Variants in FSIP2 observed in about 807,000 individuals in gnomAD.
The protein encoded by FSIP2 is fibrous sheath interacting protein 2.
FSIP2 carries 367 observed loss-of-function variants against 510.5 expected under a neutral mutation model. The ratio of observed to expected loss-of-function variants is 0.72; its 90% CI spans 0.66 to 0.78. The LOEUF is 0.78. Among genes scored for constraint, FSIP2 ranks in the 30% least tolerant of loss-of-function variants. FSIP2 has a pLI of 0.00. For synonymous variants in FSIP2, 2,601 were observed against 2,732.2 expected (o/e 0.95, Z 1.50); for missense variants, 7,594 against 7,901.7 (o/e 0.96, Z 1.48).
At chr2:185,745,786 A>T (rs553685631) in intron 5 of FSIP2, among the ~76,000 whole-genome samples, 1 of 152,276 alleles carries the variant, frequency 6.6e-6, no homozygotes, top group Admixed American at 6.5e-5. Context: ...TGGTTATTGA[A>T]AGAAAAATTA....
chr2:185,787,196 T>G (rs1480555002), intron 15 of FSIP2, among the ~76,000 whole-genome samples: 1 of 150,218 alleles, frequency 6.7e-6, no homozygotes, highest in African/African-American at 2.4e-5. Context: ...GTATTTGATT[T>G]AGACTGTATT....
intron 7 of FSIP2, among the ~76,000 whole-genome samples, chr2:185,753,034 C>T (rs1023683594): frequency 2.0e-5 from 3 of 151,198 alleles, no homozygotes; most frequent in Non-Finnish European, 4.4e-5. Context: ...TTGTTTCCTA[C>T]TACTGAGTTA....
intron 7 of FSIP2, 27 bp from the exon 8 acceptor site, chr2:185,753,695 A>G (rs1692189980): frequency 2.1e-6 from 2 of 955,050 alleles, no homozygotes; most frequent in South Asian, 1.7e-5. Context: ...GTTAATATTA[A>G]CCAATATATT....
Position 185,791,964 on chromosome 2 carries a change from G to A in FSIP2, c.4828G>A (p.Gly1610Arg). 2.0e-6 allele frequency: 3 copies of A among 1,533,638 alleles called. No individual in the cohort carries two copies. The highest frequency in any genetic ancestry group is 2.6e-6 in the Non-Finnish European group (3 of 1,145,244). Residue 1610 changes from glycine (G) to arginine (R), a missense_variant, in exon 16 of 23, where the codon GGA becomes AGA. Coordinates refer to ENST00000424728, the MANE Select transcript of FSIP2 (RefSeq NM_173651.4). The stretch of plus-strand genomic sequence containing the variant: ...AGAAATTTTGGGTGCTATTAATGAT[G>A]GAAATAAGAAAAGCAATAAGATAGG... ...HLEILGAIND[G>R]NKKSNKIGWE...
Position 185,793,700 on chromosome 2 carries a change from A to T in FSIP2, c.6564A>T (p.Thr2188=). 2 of 1,534,766 alleles carry T rather than the reference A, an allele frequency of 1.3e-6. No individual in the cohort carries two copies. The highest frequency in any genetic ancestry group is 8.7e-7 in the Non-Finnish European group (1 of 1,145,854). ...KNPTSARLPL[T]FCDTFPKIDC... is the part of the protein sequence containing the mutation. Reference sequence around the variant, plus strand: ...CTACTTCTGCAAGATTGCCCCTGACATTTTGTGATACGTTTCCAAAAATAG... The same window carrying T: ...CTACTTCTGCAAGATTGCCCCTGACTTTTTGTGATACGTTTCCAAAAATAG... The change falls in exon 16 of 23, where the codon ACA becomes ACT. Residue 2188 remains threonine (T), a synonymous_variant. Coordinates refer to ENST00000424728, the MANE Select transcript of FSIP2 (RefSeq NM_173651.4).
rs760808231 is a variant in FSIP2, at chr2:185,790,837, C to A, written c.3701C>A (p.Ser1234Tyr). 3.3e-6 allele frequency: 5 copies of A among 1,532,694 alleles called. No individual in the cohort carries two copies. The African/African-American group carries it at 6.9e-5, about 21-fold the overall frequency. The allele number at this position is 1,532,694 out of a possible 1,614,324, so 94.9% of individuals were successfully genotyped here. The change falls in exon 16 of 23, where the codon TCT becomes TAT. Residue 1234 changes from serine to tyrosine, a missense_variant. Physicochemically the swap from Ser to Tyr is moderately radical, Grantham distance 144. Coordinates refer to ENST00000424728, the MANE Select transcript of FSIP2 (RefSeq NM_173651.4). ...AGTGAAAAGAAAATGAAATATTTAT[C>A]TTTATTTGACGTTGATCCTGAAAAG... ...FDSEKKMKYLSLFDVDPEKPP... is the reference protein window; with the variant it reads ...FDSEKKMKYLYLFDVDPEKPP...
In FSIP2 at chr2:185,756,269, GA is replaced by G; in HGVS notation, c.1072del (p.Thr358HisfsTer38). 1 of 1,204,088 alleles carries G rather than the reference GA, an allele frequency of 8.3e-7. No individual in the cohort carries two copies. The highest frequency in any genetic ancestry group is 1.1e-6 in the Non-Finnish European group (1 of 877,580). 74.6% of individuals were successfully genotyped at this position (1,204,088 alleles called of 1,614,324 possible). On this transcript the variant is annotated frameshift_variant, in exon 9 of 23. Coordinates refer to ENST00000424728, the MANE Select transcript of FSIP2 (RefSeq NM_173651.4). LOFTEE classifies it high-confidence loss of function. ...TGCTGGAGACCAGAATACATATAAA[GA>G]AACACATGGTAATTGAATATTGTGA... Reference protein sequence around the residue: ...YPAGDQNTYKETHGHTANAAH... With the variant: ...YPAGDQNTYKXTHGHTANAAH...
rs1693590296 is a variant in FSIP2, at chr2:185,806,736, T to C, written c.17430T>C (p.Asp5810=). ...FSSIPETQIQ[D]RCQNVSDKQN... The stretch of plus-strand genomic sequence containing the variant: ...CTATACCAGAAACACAAATACAAGA[T>C]AGATGTCAAAATGTTAGTGATAAGC... Residue 5810 remains aspartate, a synonymous_variant, in exon 17 of 23, where the codon GAT becomes GAC. Coordinates refer to ENST00000424728, the MANE Select transcript of FSIP2 (RefSeq NM_173651.4). 1.2e-6 allele frequency: 2 copies of C among 1,611,060 alleles called. No homozygotes were observed. The highest frequency in any genetic ancestry group is 2.7e-5 in the African/African-American group (2 of 74,764).
intron 11 of FSIP2, 49 bp downstream of exon 11, chr2:185,762,066 TTA>T (rs1692363274): frequency 1.2e-6 from 1 of 823,100 alleles, no homozygotes; most frequent in Non-Finnish European, 1.9e-6. Context: ...AGGCATGCAA[TTA>T]TAGTTTTATT....
At position 185,789,429 on chromosome 2, in the gene FSIP2, A is replaced by AAGTT. The variant is rs1453182589; in HGVS notation, c.2296_2299dup (p.Glu767ValfsTer6). 2 of 1,534,766 alleles carry AAGTT rather than the reference A, an allele frequency of 1.3e-6. No individual in the cohort carries two copies. The highest frequency in any genetic ancestry group is 1.7e-6 in the Non-Finnish European group (2 of 1,145,928). On this transcript the variant is annotated frameshift_variant, in exon 16 of 23. Coordinates refer to ENST00000424728, the MANE Select transcript of FSIP2 (RefSeq NM_173651.4). LOFTEE classifies it high-confidence loss of function. ...TGAGATTGTGGAAAATATGCTTGAGAAGTTAGAGTCTGCAGTTGAGAAAAA... is the reference window on the plus strand; with the variant it reads ...TGAGATTGTGGAAAATATGCTTGAGAAGTTAGTTAGAGTCTGCAGTTGAGAAAAA...
intron 7 of FSIP2, among the ~76,000 whole-genome samples, chr2:185,747,967 T>C (rs1470538880): frequency 6.6e-6 from 1 of 151,608 alleles, no homozygotes; most frequent in Non-Finnish European, 1.5e-5. Flanking sequence ...CTGTAGGCTG[T>C]TTTTTTCATG....
chr2:185,813,907 T>C lies in FSIP2; in HGVS notation c.20190T>C (p.Thr6730=), dbSNP rs376870305. Residue 6730 remains threonine, a synonymous_variant, in exon 18 of 23, where the codon ACT becomes ACC. Coordinates refer to ENST00000424728, the MANE Select transcript of FSIP2 (RefSeq NM_173651.4). ...CAGCCAGTGCAAATATTGAAAGTAC[T>C]GAAGCAATCTCAAATCAGGTAATAG... ...QTTASANIES[T]EAISNQVIES... is the part of the protein sequence containing the mutation. 4 of 1,613,616 alleles carry C rather than the reference T, an allele frequency of 2.5e-6. No individual in the cohort carries two copies. The highest frequency in any genetic ancestry group is 2.7e-5 in the African/African-American group (2 of 74,910).
chr2:185,830,755 G>A (rs1694094439), intron 21 of FSIP2, among the ~76,000 whole-genome samples: 1 of 151,720 alleles, frequency 6.6e-6, no homozygotes, highest in Non-Finnish European at 1.5e-5. Context: ...AACCCACAGA[G>A]AGAGAAGGCC....
Position 185,793,304 on chromosome 2 carries a change from C to G in FSIP2, c.6168C>G (p.Asp2056Glu). 6.5e-7 allele frequency: 1 copy of G among 1,534,088 alleles called. No individual in the cohort carries two copies. The highest frequency in any genetic ancestry group is 8.7e-7 in the Non-Finnish European group (1 of 1,145,574). The change falls in exon 16 of 23, where the codon GAC becomes GAG. Residue 2056 changes from aspartate to glutamate, a missense_variant. Transcript: ENST00000424728. ...LDIISRKGKC[D>E]KNSSDKEIDL... ...TTATATCACGTAAAGGCAAATGTGA[C>G]AAAAACAGTTCTGACAAAGAGATCG...
rs192541034 is a variant in FSIP2 at position 185,792,286 on chromosome 2, T to C, written c.5150T>C (p.Leu1717Pro). The C allele has an allele frequency of 2.9e-4, 449 of 1,532,142 alleles. 1 individual carries two copies. The highest frequency in any genetic ancestry group is 1.6e-4 in the Non-Finnish European group (180 of 1,144,910). 94.9% of individuals were successfully genotyped at this position (1,532,142 alleles called of 1,614,324 possible). The change falls in exon 16 of 23, where the codon CTT (leucine) becomes CCT (proline). Residue 1717 changes from leucine (L) to proline (P), a missense_variant. Leu to Pro is a moderately conservative substitution (Grantham distance 98). Coordinates refer to ENST00000424728, the MANE Select transcript of FSIP2 (RefSeq NM_173651.4). ...CGATACAGGCCAACATATGGAAGTC[T>C]TCCTGGAGGAGCTGAATCAGATTCA... ...TYRYRPTYGS[L>P]PGGAESDSFL... is the part of the protein sequence containing the mutation.
intron 21 of FSIP2, 123 bp downstream of exon 21, chr2:185,828,322 A>G: frequency 1.6e-6 from 1 of 630,676 alleles, no homozygotes; most frequent in Non-Finnish European, 2.9e-6. Flanking sequence ...GCATTCTCCT[A>G]TTCACAATTT....
In FSIP2 at chr2:185,789,874, T is replaced by C; in HGVS notation, c.2738T>C (p.Leu913Pro). The change falls in exon 16 of 23, where the codon CTA (leucine) becomes CCA (proline). Residue 913 changes from leucine (L) to proline (P), a missense_variant. Leu to Pro is a moderately conservative substitution (Grantham distance 98). Transcript: ENST00000424728. ...ATAGAGGAAGCAATCAATGCTATAC[T>C]AGGTTATATACAAACTGAACTAAAT... ...AYIEEAINAI[L>P]GYIQTELNNE... The C allele has an allele frequency of 2.0e-6, 3 of 1,531,716 alleles. No individual in the cohort carries two copies. Among genetic ancestry groups the C allele is most frequent in the South Asian group, 2.4e-5 (2 of 83,916 alleles). The allele number at this position is 1,531,716 out of a possible 1,614,324, so 94.9% of individuals were successfully genotyped here.
rs895384031 is a variant in FSIP2 at position 185,801,990 on chromosome 2, TGTTTC to T, written c.12685_12689del (p.Val4229AsnfsTer14). The T allele has an allele frequency of 6.6e-7, 1 of 1,523,756 alleles. No homozygotes were observed. The highest frequency in any genetic ancestry group is 1.4e-5 in the African/African-American group (1 of 72,158). The allele number at this position is 1,523,756 out of a possible 1,614,324, so 94.4% of individuals were successfully genotyped here. ...ATATTTTGCAAATGTCTGACTCTCT[TGTTTC>T]AATACAAAAAAGTATAGTAAGCCGA... is the stretch of plus-strand genomic sequence containing the variant. On this transcript the variant is annotated frameshift_variant, in exon 17 of 23. Coordinates refer to ENST00000424728, the MANE Select transcript of FSIP2 (RefSeq NM_173651.4). LOFTEE classifies it high-confidence loss of function.
chr2:185,738,126 GC>G (rs1691823027), upstream of FSIP2: 1 of 167,582 alleles, frequency 6.0e-6, no homozygotes, highest in Non-Finnish European at 1.3e-5. Flanking sequence ...TACTGTCTCT[GC>G]CCTCAGAATA....
Sources: gnomAD v4.1 joint callset for allele counts (sites outside exome capture counted in the v4.1 genomes callset) on GRCh38, gnomAD v4.1.1 for gene constraint, MANE v1.5 for transcripts, NCBI Gene and HGNC (gene_info 2026-07-23, HGNC 2026-07-21) for gene names.